The following CYSLTR1 variants were observed in gnomAD, a reference collection of about 807,000 sequenced individuals.
The protein encoded by CYSLTR1 is G-protein coupled receptor HG55.
Under a neutral mutation model 2.1 loss-of-function variants are expected in CYSLTR1, and 1 was observed. The observed-to-expected ratio is 0.48, with a 90% CI of 0.17 to 2.28. The LOEUF (loss-of-function observed/expected upper bound fraction) is 2.28. CYSLTR1 is among the 30% of genes most tolerant of loss of function. The pLI is 0.26. For synonymous variants in CYSLTR1, 110 were observed against 89.6 expected (o/e 1.23, Z -1.28); for missense variants, 299 against 250.1 (o/e 1.20, Z -1.32).
intron 1 of CYSLTR1, among the ~76,000 whole-genome samples, chrX:78,317,433 G>T (rs1923460318): frequency 8.9e-6 from 1 of 112,321 alleles, no homozygotes; most frequent in African/African-American, 3.2e-5. Context: ...ATTACTTAAA[G>T]AACTAAAAGT....
intron 1 of CYSLTR1, among the ~76,000 whole-genome samples, chrX:78,325,980 A>G (rs1923849145): frequency 8.9e-6 from 1 of 112,018 alleles, no homozygotes; most frequent in Non-Finnish European, 1.9e-5. Flanking sequence ...ATACACTAAC[A>G]TGCTAGATTA....
At chrX:78,292,949 T>C (rs746526820) in intron 1 of CYSLTR1, among the ~76,000 whole-genome samples, 1 of 111,442 alleles carries the variant, frequency 9.0e-6, no homozygotes, top group Non-Finnish European at 1.9e-5. Context: ...GTCTGTGTCC[T>C]TTTATTGAGG....
At chrX:78,277,551 C>G (rs938547416) in intron 2 of CYSLTR1, among the ~76,000 whole-genome samples, 1 of 111,479 alleles carries the variant, frequency 9.0e-6, no homozygotes, top group Non-Finnish European at 1.9e-5. Context: ...CTGGGAACAC[C>G]TTGGTTCCTC....
At chrX:78,310,899 CGTGT>C (rs745711576) in intron 1 of CYSLTR1, among the ~76,000 whole-genome samples, 3 of 106,608 alleles carry the variant, frequency 2.8e-5, no homozygotes, top group Non-Finnish European at 3.9e-5. Context: ...GGTGTGTGGG[CGTGT>C]GTGTGTGTGT....
chrX:78,289,740 T>C (rs1461510101), intron 1 of CYSLTR1, among the ~76,000 whole-genome samples: 15 of 112,762 alleles, frequency 1.3e-4, no homozygotes, highest in Non-Finnish European at 2.2e-4. Flanking sequence ...TTCATGTGTC[T>C]GTTGGCTGCA....
At chrX:78,301,124 C>CAAAA (rs1303339504) in intron 1 of CYSLTR1, among the ~76,000 whole-genome samples, 4 of 112,035 alleles carry the variant, frequency 3.6e-5, no homozygotes, top group African/African-American at 1.3e-4. Flanking sequence ...GGGCCTGGCC[C>CAAAA]ATGAAACCAT....
intron 1 of CYSLTR1, among the ~76,000 whole-genome samples, chrX:78,287,252 A>G (rs554429272): frequency 1.2e-3 from 132 of 112,201 alleles, no homozygotes; most frequent in Middle Eastern, 4.6e-3. Context: ...GTCACGAGGA[A>G]GTACTGATAC....
At chrX:78,275,106 T>C (rs1388172182) in intron 2 of CYSLTR1, among the ~76,000 whole-genome samples, 1 of 111,491 alleles carries the variant, frequency 9.0e-6, no homozygotes, top group Non-Finnish European at 1.9e-5. Flanking sequence ...TGTGGAGAAA[T>C]AGGAACACTT....
chrX:78,304,533 C>T (rs1922952312), intron 1 of CYSLTR1, among the ~76,000 whole-genome samples: 1 of 110,883 alleles, frequency 9.0e-6, no homozygotes, highest in South Asian at 3.9e-4. Context: ...TTTGCCTAGG[C>T]TTTTCCTGGG....
intron 1 of CYSLTR1, among the ~76,000 whole-genome samples, chrX:78,284,179 T>A (rs1921957026): frequency 9.0e-6 from 1 of 111,630 alleles, no homozygotes; most frequent in African/African-American, 3.3e-5. Flanking sequence ...TGTTCAATAA[T>A]CTAACAAAGT....
chrX:78,305,690 T>C (rs1345286252), intron 1 of CYSLTR1, among the ~76,000 whole-genome samples: 1 of 112,441 alleles, frequency 8.9e-6, no homozygotes, highest in Non-Finnish European at 1.9e-5. Context: ...TTCTATAAAT[T>C]TGACTATTTT....
rs779118755 is a variant in CYSLTR1, at chrX:78,273,511, C to T, written c.236G>A (p.Arg79His). 4.0e-5 allele frequency: 49 copies of T among 1,209,930 alleles called. No homozygotes were observed. The highest frequency in any genetic ancestry group is 7.0e-5 in the African/African-American group (4 of 57,208). The change falls in exon 3 of 3, where the codon CGT becomes CAT. Residue 79 changes from arginine (R) to histidine (H), a missense_variant. Coordinates refer to ENST00000373304, the MANE Select transcript of CYSLTR1 (RefSeq NM_006639.4). ...DLLCVCTLPL[R>H]VVYYVHKGIW... ...GCCTTTGTGAACATAATAGACCACA[C>T]GGAGAGGCAGTGTGCACACACAAAG...
At chrX:78,285,337 G>T (rs770536880) in intron 1 of CYSLTR1, among the ~76,000 whole-genome samples, 2 of 107,983 alleles carry the variant, frequency 1.9e-5, no homozygotes, top group South Asian at 8.3e-4. Context: ...CAGGAGAATG[G>T]CGTGAACCCG....
At chrX:78,302,397 G>T (rs1325641985) in intron 1 of CYSLTR1, among the ~76,000 whole-genome samples, 1 of 111,433 alleles carries the variant, frequency 9.0e-6, no homozygotes, top group Non-Finnish European at 1.9e-5. Flanking sequence ...CCACATTGGG[G>T]CCCTACATTT....
At chrX:78,304,759 G>C (rs1922964567) in intron 1 of CYSLTR1, among the ~76,000 whole-genome samples, 1 of 111,188 alleles carries the variant, frequency 9.0e-6, no homozygotes, top group Admixed American at 9.6e-5. Context: ...ATTTACTGAG[G>C]CTCCAGAGGA....
intron 2 of CYSLTR1, among the ~76,000 whole-genome samples, chrX:78,276,763 T>A (rs1327279690): frequency 9.1e-6 from 1 of 110,403 alleles, no homozygotes; most frequent in Non-Finnish European, 1.9e-5. Context: ...GACCAGACTG[T>A]GAAGGAGATT....
rs1241061744 is a variant in CYSLTR1, at chrX:78,299,679, G to T, written c.-114-16139C>A. 2.7e-5 allele frequency among the ~76,000 whole-genome samples: 3 copies of T among 111,095 alleles called. No individual in the cohort carries two copies. In the Admixed American group the frequency reaches 2.9e-4, roughly 11 times the overall value. ...CAGAGGTATTGGAGCTTCATTGTAT[G>T]TTATTTGTTACTTTTCTCATATTGT... On this transcript the variant is annotated intron_variant, in intron 1 of 2. Transcript: ENST00000373304.
chrX:78,317,884 C>T (rs1180831038), intron 1 of CYSLTR1, among the ~76,000 whole-genome samples: 1 of 111,580 alleles, frequency 9.0e-6, no homozygotes, highest in Non-Finnish European at 1.9e-5. Flanking sequence ...GTGTACACTG[C>T]CTGGGTGATG....
At chrX:78,298,011 A>T (rs1314171181) in intron 1 of CYSLTR1, among the ~76,000 whole-genome samples, 4 of 111,151 alleles carry the variant, frequency 3.6e-5, no homozygotes, top group African/African-American at 1.3e-4. Context: ...AGGTGCTGGC[A>T]GCTATAAACC....
Sources: allele counts gnomAD v4.1 joint callset (sites outside exome capture counted in the v4.1 genomes callset), GRCh38; gene constraint gnomAD v4.1.1; transcripts MANE v1.5; gene names NCBI Gene and HGNC (gene_info 2026-07-23, HGNC 2026-07-21).